The following FAAH2 variants were observed in gnomAD, a reference collection of about 807,000 sequenced individuals.
FAAH2 encodes fatty acid amide hydrolase 2.
In FAAH2, 60 loss-of-function variants were observed where a neutral mutation model predicts 36.9. The ratio of observed to expected loss-of-function variants is 1.63; its 90% CI spans 1.32 to 2.02. The LOEUF is 2.02. Among genes scored for constraint, FAAH2 ranks in the 30% most tolerant of loss-of-function variants. The pLI, the probability that FAAH2 is intolerant of heterozygous loss-of-function variation, is 0.00. For missense variants in FAAH2, 689 were observed against 397.5 expected (o/e 1.73, Z -6.23); for synonymous variants, 214 against 143.8 (o/e 1.49, Z -3.49).
At chrX:57,361,604 CTT>C (rs998570786) in intron 5 of FAAH2, among the ~76,000 whole-genome samples, 8 of 111,126 alleles carry the variant, frequency 7.2e-5, no homozygotes, top group African/African-American at 9.8e-5. Flanking sequence ...CAAAATTCCT[CTT>C]GTTATTGATT....
At chrX:57,134,027 TA>T in the FAAH2 span, among the ~76,000 whole-genome samples, 1 of 111,035 alleles carries the variant, frequency 9.0e-6, no homozygotes, top group Non-Finnish European at 1.9e-5. Flanking sequence ...GTCAGAGGTA[TA>T]ATTTAGTGAA....
At chrX:57,311,081 T>A (rs1208383216) in intron 3 of FAAH2, among the ~76,000 whole-genome samples, 1 of 112,404 alleles carries the variant, frequency 8.9e-6, no homozygotes, top group Non-Finnish European at 1.9e-5. Context: ...ATACCTGTGC[T>A]TTCTCTGTAA....
At chrX:57,179,472 C>T in the FAAH2 span, among the ~76,000 whole-genome samples, 2 of 111,582 alleles carry the variant, frequency 1.8e-5, no homozygotes, top group African/African-American at 6.5e-5. Flanking sequence ...GGGTTGCAAT[C>T]CTAATTTCAG....
At chrX:57,398,815 G>T (rs914463126) in intron 7 of FAAH2, among the ~76,000 whole-genome samples, 1 of 111,483 alleles carries the variant, frequency 9.0e-6, no homozygotes, top group African/African-American at 3.3e-5. Context: ...AAAGGTGGGT[G>T]CGGTCACCTT....
intron 6 of FAAH2, among the ~76,000 whole-genome samples, chrX:57,379,807 C>G (rs1023992055): frequency 2.2e-5 from 1 of 44,445 alleles, no homozygotes; most frequent in Non-Finnish European, 5.0e-5. Flanking sequence ...TTGCCAAAGT[C>G]CCTGAATTTT....
the FAAH2 span, among the ~76,000 whole-genome samples, chrX:57,163,826 G>A: frequency 1.2e-4 from 13 of 112,415 alleles, no homozygotes; most frequent in Non-Finnish European, 2.4e-4. Flanking sequence ...CGTCTTCTGC[G>A]TTGCTCACGC....
chrX:57,303,416 T>A (rs750188761), intron 2 of FAAH2, among the ~76,000 whole-genome samples: 1 of 112,089 alleles, frequency 8.9e-6, no homozygotes, highest in East Asian at 2.8e-4. Context: ...GTGATTCTAA[T>A]CCTTTGATTT....
intron 5 of FAAH2, among the ~76,000 whole-genome samples, chrX:57,348,607 G>T (rs1196325465): frequency 9.0e-6 from 1 of 111,032 alleles, no homozygotes; most frequent in Admixed American, 9.6e-5. Context: ...ACTGGTGTCA[G>T]TCCCTAGCAC....
At chrX:57,270,377 A>G in the FAAH2 span, among the ~76,000 whole-genome samples, 7 of 112,257 alleles carry the variant, frequency 6.2e-5, no homozygotes, top group African/African-American at 2.3e-4. Context: ...TGAGGTCAGC[A>G]TCATCCTGAT....
intron 7 of FAAH2, among the ~76,000 whole-genome samples, chrX:57,398,891 C>A (rs1254965743): frequency 9.0e-6 from 1 of 111,382 alleles, no homozygotes; most frequent in African/African-American, 3.3e-5. Flanking sequence ...CTCAGTCACA[C>A]CCTCTCAACA....
chrX:57,378,870 T>A, intron 6 of FAAH2, 84 bp downstream of exon 6: 1 of 1,073,279 alleles, frequency 9.3e-7, no homozygotes, highest in Non-Finnish European at 1.3e-6. Flanking sequence ...GAGGTAGACT[T>A]TCAGTCCTCA....
At chrX:57,123,205 A>G in the FAAH2 span, among the ~76,000 whole-genome samples, 1 of 110,392 alleles carries the variant, frequency 9.1e-6, no homozygotes, top group Non-Finnish European at 1.9e-5. Flanking sequence ...TCCTGTGTCC[A>G]TGTGTTCTCA....
At chrX:57,309,511 G>T (rs1207673028) in intron 2 of FAAH2, among the ~76,000 whole-genome samples, 1 of 111,571 alleles carries the variant, frequency 9.0e-6, no homozygotes, top group African/African-American at 3.3e-5. Flanking sequence ...GTGCAGGTTT[G>T]TTACAAGGTA....
the FAAH2 span, among the ~76,000 whole-genome samples, chrX:57,234,136 G>A: frequency 2.7e-5 from 3 of 112,716 alleles, no homozygotes; most frequent in Non-Finnish European, 5.6e-5. Context: ...TCTTTTTTAA[G>A]TTTTTGTATT....
chrX:57,411,386 A>G (rs932094116), intron 7 of FAAH2, among the ~76,000 whole-genome samples: 24 of 111,483 alleles, frequency 2.2e-4, no homozygotes, highest in Non-Finnish European at 9.4e-5. Flanking sequence ...CATGTGAGTC[A>G]TGCACAGAGA....
chrX:57,471,004 T>A (rs991519569), intron 10 of FAAH2, among the ~76,000 whole-genome samples: 5 of 111,330 alleles, frequency 4.5e-5, no homozygotes, highest in African/African-American at 1.6e-4. Flanking sequence ...ACACATGATT[T>A]TCTCAATAGA....
At chrX:57,456,179 C>G (rs1313453142) in intron 10 of FAAH2, among the ~76,000 whole-genome samples, 1 of 111,688 alleles carries the variant, frequency 9.0e-6, no homozygotes, top group Non-Finnish European at 1.9e-5. Flanking sequence ...GGAAATTAAA[C>G]AACTTTCTCC....
chrX:57,226,454 T>C, the FAAH2 span, among the ~76,000 whole-genome samples: 6 of 112,086 alleles, frequency 5.4e-5, no homozygotes, highest in African/African-American at 1.9e-4. Flanking sequence ...AATTGTTTTG[T>C]TTGAGAAGGC....
At chrX:57,260,761 A>G in the FAAH2 span, among the ~76,000 whole-genome samples, 92 of 109,552 alleles carry the variant, frequency 8.4e-4, no homozygotes, top group Admixed American at 2.7e-3. Flanking sequence ...GTGTGTGTGT[A>G]TATATATATG....
Sources: allele counts gnomAD v4.1 joint callset (sites outside exome capture counted in the v4.1 genomes callset), GRCh38; gene constraint gnomAD v4.1.1; transcripts MANE v1.5; gene names NCBI Gene and HGNC (gene_info 2026-07-23, HGNC 2026-07-21).